KLF5: variants seen among roughly 807,000 people sequenced by gnomAD.
KLF5 encodes the protein Krueppel-like factor 5.
KLF5 carries 9 observed loss-of-function variants against 36.9 expected under a neutral mutation model. The observed-to-expected ratio is 0.24, with a 90% CI of 0.15 to 0.43. The LOEUF (loss-of-function observed/expected upper bound fraction) is 0.43. KLF5 is among the 20% of genes least tolerant of loss of function. The pLI is 1.00. For synonymous variants in KLF5, 246 were observed against 241.7 expected (o/e 1.02, Z -0.17); for missense variants, 524 against 599.5 (o/e 0.87, Z 1.31).
intron 3 of KLF5, 28 bp from the exon 4 acceptor site, chr13:73,075,680 G>A (rs756153988): frequency 2.1e-5 from 32 of 1,547,098 alleles, no homozygotes; most frequent in Admixed American, 3.4e-5. Flanking sequence ...CAAGCAGGCC[G>A]CTTTACCTCC....
intron 3 of KLF5, among the ~76,000 whole-genome samples, chr13:73,068,579 C>T (rs1055932742): frequency 1.3e-5 from 2 of 151,436 alleles, no homozygotes; most frequent in African/African-American, 4.9e-5. Context: ...TGGCACATGC[C>T]TGTAGTCCCA....
intron 2 of KLF5, 42 bp from the exon 3 acceptor site, chr13:73,063,782 A>G (rs200540503): frequency 9.2e-4 from 1,257 of 1,363,754 alleles, no homozygotes; most frequent in Middle Eastern, 2.3e-3. Context: ...TAAAGATTTC[A>G]AAAGGATCTC....
chr13:73,062,260 G>T lies in KLF5; in HGVS notation c.661G>T (p.Val221Phe), dbSNP rs145972814. The change falls in exon 2 of 4, where the codon GTC (valine) becomes TTC (phenylalanine). Residue 221 changes from valine (V) to phenylalanine (F), a missense_variant. Coordinates refer to ENST00000377687, the MANE Select transcript of KLF5 (RefSeq NM_001730.5). ...ELPTPDLHLS[V>F]PTQQGHLYQL... ...TCCTACACCAGATCTTCATCTTTCT[G>T]TCCCTACCCAGCAGGGCCACCTGTA... The T allele has an allele frequency of 5.0e-6, 8 of 1,613,754 alleles. No homozygotes were observed. In the Admixed American group the frequency reaches 5.0e-5, roughly 10 times the overall value.
intron 3 of KLF5, among the ~76,000 whole-genome samples, chr13:73,075,383 C>T (rs1017370013): frequency 2.0e-5 from 3 of 152,144 alleles, no homozygotes; most frequent in Admixed American, 6.5e-5. Flanking sequence ...TAGTCATTTC[C>T]TGGATTTATG....
intron 3 of KLF5, among the ~76,000 whole-genome samples, chr13:73,069,297 C>G (rs1486468742): frequency 1.3e-5 from 2 of 152,080 alleles, no homozygotes; most frequent in Non-Finnish European, 2.9e-5. Context: ...GGATGGAGAT[C>G]TTACAATGTG....
At position 73,075,821 on chromosome 13, in the gene KLF5, G is replaced by T. The variant is rs1299511844; in HGVS notation, c.1309G>T (p.Val437Leu). The change falls in exon 4 of 4, where the codon GTG becomes TTG. Residue 437 changes from valine (V) to leucine (L), a missense_variant. Val to Leu is a conservative substitution (Grantham distance 32). Transcript: ENST00000377687. ...AGGCGCCAAGCCCTTCCAGTGCGGG[G>T]TGTGCAACCGCAGCTTCTCGCGCTC... is the stretch of plus-strand genomic sequence containing the variant. ...HTGAKPFQCG[V>L]CNRSFSRSDH... is the part of the protein sequence containing the mutation. 8.1e-6 allele frequency: 13 copies of T among 1,612,286 alleles called. No individual in the cohort carries two copies. Among genetic ancestry groups the T allele is most frequent in the East Asian group, 2.2e-5 (1 of 44,818 alleles).
In KLF5 at chr13:73,059,119, C is replaced by T. The variant is rs2044607635; in HGVS notation, c.-209C>T. ...GGCGGGGCGGGAGAAAGTGGCCGCC[C>T]GGAGGACGTTGGCGTTTACGTGTGG... On this transcript the variant is annotated 5_prime_UTR_variant, in exon 1 of 4. Coordinates refer to ENST00000377687, the MANE Select transcript of KLF5 (RefSeq NM_001730.5). The T allele has an allele frequency of 9.7e-6, 4 of 414,464 alleles. No homozygotes were observed. Among genetic ancestry groups the T allele is most frequent in the East Asian group, 7.6e-5 (2 of 26,328 alleles). The allele number at this position is 414,464 out of a possible 1,614,324, so 25.7% of individuals were successfully genotyped here.
At chr13:73,062,955 C>G (rs1459704745) in intron 2 of KLF5, among the ~76,000 whole-genome samples, 1 of 148,474 alleles carries the variant, frequency 6.7e-6, no homozygotes, top group Non-Finnish European at 1.5e-5. Flanking sequence ...AGTTAGTTGT[C>G]TGTTGCTTAT....
At chr13:73,069,111 T>TA (rs1391961888) in intron 3 of KLF5, among the ~76,000 whole-genome samples, 21 of 151,524 alleles carry the variant, frequency 1.4e-4, no homozygotes, top group East Asian at 5.8e-4. Flanking sequence ...ATAATAATAA[T>TA]AAAAAATAAA....
chr13:73,055,988 G>A (rs982440293), upstream of KLF5, among the ~76,000 whole-genome samples: 2 of 152,074 alleles, frequency 1.3e-5, no homozygotes, highest in African/African-American at 4.8e-5. Context: ...TCCTTTTGCC[G>A]TGTCGTTGTG....
At chr13:73,072,275 G>T (rs890988904) in intron 3 of KLF5, among the ~76,000 whole-genome samples, 3 of 152,118 alleles carry the variant, frequency 2.0e-5, no homozygotes, top group African/African-American at 7.2e-5. Flanking sequence ...TTTTAAAATG[G>T]CTTACAAACA....
chr13:73,055,020 A>G (rs779909981), upstream of KLF5: 1 of 152,164 alleles, frequency 6.6e-6, no homozygotes, highest in Non-Finnish European at 1.5e-5. Flanking sequence ...TCATGTTTCG[A>G]GTCAGAATTT....
chr13:73,059,352 A>C lies in KLF5; in HGVS notation c.25A>C (p.Ser9Arg). The C allele has an allele frequency of 7.0e-7, 1 of 1,419,300 alleles. No individual in the cohort carries two copies. Among genetic ancestry groups the C allele is most frequent in the East Asian group, 3.1e-5 (1 of 32,786 alleles). The allele number at this position is 1,419,300 out of a possible 1,614,324, so 87.9% of individuals were successfully genotyped here. Residue 9 changes from serine to arginine, a missense_variant, in exon 1 of 4, where the codon AGC becomes CGC. By Grantham distance (110) the Ser-to-Arg change is moderately radical (BLOSUM62 -1). This residue lies in a region of KLF5 where 454 missense variants were observed against 458.1 expected (regional missense o/e 0.99). Transcript: ENST00000377687. ...CATGGCTACAAGGGTGCTGAGCATG[A>C]GCGCCCGCCTGGGACCCGTGCCCCA... MATRVLSM[S>R]ARLGPVPQPP... is the part of the protein sequence containing the mutation.
rs752779907 is a variant in KLF5 at position 73,062,002 on chromosome 13, A to G, written c.403A>G (p.Asn135Asp). The change falls in exon 2 of 4, where the codon AAC (asparagine) becomes GAC (aspartate). Residue 135 changes from asparagine to aspartate, a missense_variant. Physicochemically the swap from Asn to Asp is conservative, Grantham distance 23. Transcript: ENST00000377687. ...CACTGAAGGGTTACCTTACAGTATC[A>G]ACATGAACGTCTTCCTCCCTGACAT... ...TDTEGLPYSI[N>D]MNVFLPDITH... is the part of the protein sequence containing the mutation. 1 of 1,614,192 alleles carries G rather than the reference A, an allele frequency of 6.2e-7. No individual in the cohort carries two copies. The highest frequency in any genetic ancestry group is 1.1e-5 in the South Asian group (1 of 91,086).
At chr13:73,070,553 G>A (rs2044715738) in intron 3 of KLF5, among the ~76,000 whole-genome samples, 1 of 152,168 alleles carries the variant, frequency 6.6e-6, no homozygotes, top group Admixed American at 6.5e-5. Flanking sequence ...AGTAGTTTAG[G>A]AGCCCAGAGA....
In KLF5 at chr13:73,077,253, GT is replaced by G. The variant is rs2044770694; in HGVS notation, c.*1371del. On this transcript the variant is annotated 3_prime_UTR_variant, in exon 4 of 4. Coordinates refer to ENST00000377687, the MANE Select transcript of KLF5 (RefSeq NM_001730.5). ...AATTTTCATAACTTGATAAATTATA[GT>G]TTTGTTTGTTAGAAAAGTTGCTCTT... 1 of 152,640 alleles carries G rather than the reference GT, an allele frequency of 6.6e-6. No homozygotes were observed. Among genetic ancestry groups the G allele is most frequent in the South Asian group, 2.1e-4 (1 of 4,824 alleles). The allele number at this position is 152,640 out of a possible 1,614,324, so 9.5% of individuals were successfully genotyped here.
At chr13:73,062,783 G>GTGTC (rs1555336902) in intron 2 of KLF5, 49 bp downstream of exon 2, 6 of 1,533,050 alleles carry the variant, frequency 3.9e-6, no homozygotes, top group Non-Finnish European at 4.5e-6. Context: ...GTGTGTGTGT[G>GTGTC]TGTGTGTCTG....
chr13:73,055,751 C>T (rs189387485), upstream of KLF5, among the ~76,000 whole-genome samples: 3 of 152,146 alleles, frequency 2.0e-5, no homozygotes, highest in South Asian at 2.1e-4. Context: ...AGTGTGCTCC[C>T]GTATAAAGCT....
rs897236529 is a variant in KLF5 at position 73,059,299 on chromosome 13, C to G, written c.-29C>G. The G allele has an allele frequency of 3.9e-5, 52 of 1,341,116 alleles. No homozygotes were observed. In the Admixed American group the frequency reaches 1.5e-3, roughly 38 times the overall value. 83.1% of individuals were successfully genotyped at this position (1,341,116 alleles called of 1,614,324 possible). A position where few individuals can be genotyped will look rare whatever the true frequency, so the allele number is the denominator to read the frequency against. ...GGCGAGGTGGGAAGTGCGCCCGACC[C>G]GCGCCTGGAGCTGCGCCCCCGAGTG... On this transcript the variant is annotated 5_prime_UTR_variant, in exon 1 of 4. Transcript: ENST00000377687.
Sources: gnomAD v4.1 joint callset for allele counts (sites outside exome capture counted in the v4.1 genomes callset) on GRCh38, gnomAD v4.1.1 for gene constraint, gnomAD v4.1.1 regional missense constraint, MANE v1.5 for transcripts, NCBI Gene and HGNC (gene_info 2026-07-23, HGNC 2026-07-21) for gene names.